The following MATCAP2 variants were observed in gnomAD, a reference collection of about 807,000 sequenced individuals.
MATCAP2 encodes microtubule associated tyrosine carboxypeptidase 2, also known as putative tyrosine carboxypeptidase MATCAP2.
the MATCAP2 span, chr7:36,330,953 G>C: frequency 1.5e-6 from 2 of 1,319,432 alleles, no homozygotes; most frequent in South Asian, 1.2e-5. Flanking sequence ...TGGGGTGTTC[G>C]GGGACTATGT....
At chr7:36,354,800 T>C in the MATCAP2 span, among the ~76,000 whole-genome samples, 1 of 152,254 alleles carries the variant, frequency 6.6e-6, no homozygotes, top group Non-Finnish European at 1.5e-5. Context: ...TTGCTAGTGC[T>C]ACTTAGAAGT....
At chr7:36,334,072 G>C in the MATCAP2 span, 57 of 1,613,974 alleles carry the variant, frequency 3.5e-5, no homozygotes, top group Admixed American at 6.7e-4. Context: ...TCCTCTGTGG[G>C]ATTATTTGGC....
chr7:36,355,468 T>A, the MATCAP2 span: 1 of 152,184 alleles, frequency 6.6e-6, no homozygotes, highest in Non-Finnish European at 1.5e-5. Flanking sequence ...GCACATTTTT[T>A]AAAAAGCAAA....
At chr7:36,342,196 C>G in the MATCAP2 span, among the ~76,000 whole-genome samples, 5 of 113,342 alleles carry the variant, frequency 4.4e-5, no homozygotes, top group East Asian at 1.4e-3. Flanking sequence ...TTTTTTTTTT[C>G]TGAGATGGAG....
chr7:36,383,322 C>G, the MATCAP2 span, among the ~76,000 whole-genome samples: 1 of 151,960 alleles, frequency 6.6e-6, no homozygotes, highest in Admixed American at 6.6e-5. Context: ...GGTATATATC[C>G]AAAGGATTAT....
the MATCAP2 span, among the ~76,000 whole-genome samples, chr7:36,329,464 A>G: frequency 6.6e-6 from 1 of 152,206 alleles, no homozygotes; most frequent in Admixed American, 6.5e-5. Context: ...TAAAATACCA[A>G]TTAAAAGGAA....
At chr7:36,367,323 C>G in the MATCAP2 span, 1 of 1,005,626 alleles carries the variant, frequency 9.9e-7, no homozygotes, top group South Asian at 4.6e-5. Flanking sequence ...CCGCGGGCGG[C>G]GAGAGAGAGT....
chr7:36,356,214 C>T, the MATCAP2 span: 1 of 152,684 alleles, frequency 6.5e-6, no homozygotes, highest in African/African-American at 2.4e-5. Flanking sequence ...CCATCTAAGA[C>T]ATTAAAAAAT....
chr7:36,335,026 A>T, the MATCAP2 span: 1 of 1,586,942 alleles, frequency 6.3e-7, no homozygotes, highest in Non-Finnish European at 8.6e-7. Flanking sequence ...AAATAAACAA[A>T]TGGAAAGGAT....
the MATCAP2 span, among the ~76,000 whole-genome samples, chr7:36,347,314 TTTTG>T: frequency 6.6e-6 from 1 of 152,244 alleles, no homozygotes; most frequent in Non-Finnish European, 1.5e-5. Flanking sequence ...TACTTGCTGA[TTTTG>T]TTTAATGTTT....
the MATCAP2 span, among the ~76,000 whole-genome samples, chr7:36,385,848 A>AAAATAAAATAAAATC: frequency 6.7e-6 from 1 of 150,074 alleles, no homozygotes; most frequent in Admixed American, 6.7e-5. Context: ...AAAATAAAAT[A>AAAATAAAATAAAATC]AAATAAGATA....
the MATCAP2 span, among the ~76,000 whole-genome samples, chr7:36,380,437 A>G: frequency 6.6e-6 from 1 of 152,216 alleles, no homozygotes; most frequent in Non-Finnish European, 1.5e-5. Flanking sequence ...AATTGGCTCA[A>G]TTTCTTGTCT....
the MATCAP2 span, among the ~76,000 whole-genome samples, chr7:36,353,151 G>GT: frequency 7.9e-5 from 12 of 152,112 alleles, no homozygotes; most frequent in Non-Finnish European, 8.8e-5. Context: ...GTGCACGCCT[G>GT]TAAGTCCCAG....
chr7:36,329,554 C>T, the MATCAP2 span, among the ~76,000 whole-genome samples: 2 of 152,084 alleles, frequency 1.3e-5, no homozygotes, highest in African/African-American at 4.8e-5. Flanking sequence ...TTTACTGTGT[C>T]AGAAAACATG....
At chr7:36,340,665 G>T in the MATCAP2 span, among the ~76,000 whole-genome samples, 22 of 152,158 alleles carry the variant, frequency 1.4e-4, no homozygotes, top group African/African-American at 5.1e-4. Context: ...ACTTATCAGT[G>T]ATCTGCAGCA....
the MATCAP2 span, among the ~76,000 whole-genome samples, chr7:36,360,317 A>C: frequency 3.3e-5 from 5 of 152,288 alleles, no homozygotes; most frequent in South Asian, 6.2e-4. Flanking sequence ...CTAAAAAAAA[A>C]CGTCCTAAAC....
chr7:36,390,274 G>C, the MATCAP2 span: 1 of 648,648 alleles, frequency 1.5e-6, no homozygotes, highest in Non-Finnish European at 2.6e-6. Flanking sequence ...GGAAGGCTTT[G>C]AGTCTGTCCT....
chr7:36,390,203 C>T, the MATCAP2 span: 1 of 1,234,022 alleles, frequency 8.1e-7, no homozygotes, highest in African/African-American at 1.5e-5. Context: ...CTGCGGCCTG[C>T]TGTGGTTGGT....
At chr7:36,379,646 G>A in the MATCAP2 span, among the ~76,000 whole-genome samples, 9 of 151,778 alleles carry the variant, frequency 5.9e-5, no homozygotes, top group Non-Finnish European at 1.2e-4. Flanking sequence ...CTTACTGATG[G>A]GGATATGTTC....
Sources: allele counts gnomAD v4.1 joint callset (sites outside exome capture counted in the v4.1 genomes callset), GRCh38; gene constraint gnomAD v4.1.1; transcripts MANE v1.5; gene names NCBI Gene and HGNC (gene_info 2026-07-23, HGNC 2026-07-21).